KPNA4: variants seen among roughly 807,000 people sequenced by gnomAD.
The protein encoded by KPNA4 is karyopherin subunit alpha 4.
KPNA4 carries 13 observed loss-of-function variants against 71.3 expected under a neutral mutation model. The ratio of observed to expected loss-of-function variants is 0.18; its 90% CI spans 0.12 to 0.29. The LOEUF (loss-of-function observed/expected upper bound fraction) is 0.29. Ranked by LOEUF, KPNA4 falls within the 10% of genes least tolerant of loss-of-function variation. KPNA4 has a pLI of 1.00. For missense variants in KPNA4, 334 were observed against 603.2 expected, an observed-to-expected ratio of 0.55 and a Z score of 4.67; for synonymous variants, 189 against 195.2, an observed-to-expected ratio of 0.97 and a Z score of 0.26.
At chr3:160,550,174 T>C (rs571699117) in intron 1 of KPNA4, among the ~76,000 whole-genome samples, 136 of 152,354 alleles carry the variant, frequency 8.9e-4, no homozygotes, top group African/African-American at 3.1e-3. Context: ...ACATCTTTGT[T>C]ATAGATTTGG....
intron 11 of KPNA4, among the ~76,000 whole-genome samples, chr3:160,518,166 C>G (rs1013588546): frequency 6.8e-6 from 1 of 147,046 alleles, no homozygotes; most frequent in Non-Finnish European, 1.5e-5. Context: ...CTCGCTCTGT[C>G]ACCCAGGCTG....
chr3:160,514,175 C>A lies in KPNA4; in HGVS notation c.1039G>T (p.Val347Leu), dbSNP rs200557165. ...GCAGTGATGTTGGAGAGGAACCACA[C>A]TGCTTCCTGTAGAACAAGAGCATTT... is the stretch of plus-strand genomic sequence containing the variant. ...HPKEKINKEA[V>L]WFLSNITAGN... Residue 347 changes from valine to leucine, a missense_variant, in exon 13 of 17, where the codon GTG becomes TTG. By Grantham distance (32) the Val-to-Leu change is conservative. Coordinates refer to ENST00000334256, the MANE Select transcript of KPNA4 (RefSeq NM_002268.5). 6.3e-7 allele frequency: 1 copy of A among 1,591,942 alleles called. No individual in the cohort carries two copies. Among genetic ancestry groups the A allele is most frequent in the Non-Finnish European group, 8.5e-7 (1 of 1,172,552 alleles).
At position 160,497,678 on chromosome 3, in the gene KPNA4, A is replaced by G. The variant is rs1720793760; in HGVS notation, c.*4426T>C. ...ATATTAAATTATTGGCTGACAGTTAATGAATTTTGCCAATAAGTAAAATAA... is the reference window on the plus strand; with the variant it reads ...ATATTAAATTATTGGCTGACAGTTAGTGAATTTTGCCAATAAGTAAAATAA... On this transcript the variant is annotated 3_prime_UTR_variant, in exon 17 of 17. Transcript: ENST00000334256. 6.6e-6 allele frequency: 1 copy of G among 152,198 alleles called. No individual in the cohort carries two copies. The highest frequency in any genetic ancestry group is 2.1e-4 in the South Asian group (1 of 4,832). The allele number at this position is 152,198 out of a possible 1,614,324, so 9.4% of individuals were successfully genotyped here.
intron 1 of KPNA4, among the ~76,000 whole-genome samples, chr3:160,542,551 A>G (rs917297191): frequency 1.3e-5 from 2 of 152,170 alleles, no homozygotes; most frequent in African/African-American, 2.4e-5. Flanking sequence ...ATAAAAACCC[A>G]TATTACAATC....
At chr3:160,564,203 CGT>C (rs1722295535) in intron 1 of KPNA4, 1 of 151,968 alleles carries the variant, frequency 6.6e-6, no homozygotes, top group African/African-American at 2.4e-5. Context: ...TGTGGGTATG[CGT>C]GTGTGCATGT....
Position 160,531,458 on chromosome 3 carries a change from T to G in KPNA4, c.383+4A>C. 8 of 1,410,150 alleles carry G rather than the reference T, an allele frequency of 5.7e-6. No individual in the cohort carries two copies. The highest frequency in any genetic ancestry group is 7.8e-6 in the Non-Finnish European group (8 of 1,032,040). 87.4% of individuals were successfully genotyped at this position (1,410,150 alleles called of 1,614,324 possible). A position where few individuals can be genotyped will look rare whatever the true frequency, so the allele number is the denominator to read the frequency against. On this transcript the variant is annotated splice_donor_region_variant and intron_variant, in intron 6 of 16. Coordinates refer to ENST00000334256, the MANE Select transcript of KPNA4 (RefSeq NM_002268.5). ...AAAAAAAAAAAAATAAATAATGTAC[T>G]CACTTGTCATCTCTTTCAAGACAAT...
chr3:160,515,572 T>C lies in KPNA4; in HGVS notation c.912A>G (p.Ala304=). ...SHQEVKVQTA[A]LRAVGNIVTG... ...TAACAATGTTGCCCACAGCTCTAAG[T>C]GCAGCAGTCTGAAATGCACAATGAG... is the stretch of plus-strand genomic sequence containing the variant. The change falls in exon 12 of 17, where the codon GCA becomes GCG. Residue 304 remains alanine (A), a synonymous_variant. Coordinates refer to ENST00000334256, the MANE Select transcript of KPNA4 (RefSeq NM_002268.5). 1.2e-6 allele frequency: 2 copies of C among 1,613,338 alleles called. No individual in the cohort carries two copies. The highest frequency in any genetic ancestry group is 1.1e-5 in the South Asian group (1 of 91,054).
At chr3:160,509,407 A>T (rs769038103) in intron 14 of KPNA4, among the ~76,000 whole-genome samples, 2 of 152,210 alleles carry the variant, frequency 1.3e-5, no homozygotes, top group African/African-American at 2.4e-5. Context: ...TAAAAAAACA[A>T]AACAAAACAA....
intron 1 of KPNA4, among the ~76,000 whole-genome samples, chr3:160,560,277 TTTC>T (rs1488144710): frequency 1.3e-5 from 2 of 151,958 alleles, no homozygotes; most frequent in African/African-American, 2.4e-5. Flanking sequence ...AGCACAAGAG[TTTC>T]TTCTTTAAAA....
chr3:160,548,864 TC>T (rs1368304241), intron 1 of KPNA4, among the ~76,000 whole-genome samples: 2 of 152,188 alleles, frequency 1.3e-5, no homozygotes, highest in Non-Finnish European at 2.9e-5. Context: ...GGAACCACCA[TC>T]CTGTTTTTCA....
intron 1 of KPNA4, among the ~76,000 whole-genome samples, chr3:160,542,160 G>A (rs1268773664): frequency 2.6e-5 from 4 of 152,104 alleles, no homozygotes; most frequent in South Asian, 2.1e-4. Context: ...TGAACAGGTA[G>A]GCAAGGAGAC....
At chr3:160,514,455 G>C (rs1721161420) in intron 12 of KPNA4, among the ~76,000 whole-genome samples, 1 of 152,140 alleles carries the variant, frequency 6.6e-6, no homozygotes, top group Admixed American at 6.5e-5. Flanking sequence ...AAGCTTGGCT[G>C]AACAAATTTG....
At chr3:160,538,619 G>A (rs937561431) in intron 1 of KPNA4, among the ~76,000 whole-genome samples, 1 of 151,976 alleles carries the variant, frequency 6.6e-6, no homozygotes. Flanking sequence ...ACTCTCACAC[G>A]CTCCACTTCG....
At chr3:160,521,559 C>T (rs1486556382) in intron 11 of KPNA4, among the ~76,000 whole-genome samples, 6 of 152,080 alleles carry the variant, frequency 3.9e-5, no homozygotes, top group South Asian at 4.1e-4. Flanking sequence ...GCTGAGATCA[C>T]GCCACCTCAC....
intron 12 of KPNA4, chr3:160,514,991 T>C (rs1721176855): frequency 1.9e-6 from 1 of 519,222 alleles, no homozygotes. Context: ...TCTTGGGTTA[T>C]AATCATTGGC....
At chr3:160,555,571 C>A (rs953108325) in intron 1 of KPNA4, among the ~76,000 whole-genome samples, 1 of 152,094 alleles carries the variant, frequency 6.6e-6, no homozygotes, top group African/African-American at 2.4e-5. Context: ...ACAATTATAA[C>A]AATATATTGT....
intron 1 of KPNA4, among the ~76,000 whole-genome samples, chr3:160,543,887 C>T (rs560047053): frequency 2.2e-4 from 33 of 151,308 alleles, no homozygotes; most frequent in East Asian, 1.8e-3. Flanking sequence ...GATGGAGTTT[C>T]GCTCTTGCTG....
intron 1 of KPNA4, among the ~76,000 whole-genome samples, chr3:160,554,065 A>C (rs1156593010): frequency 6.6e-6 from 1 of 152,242 alleles, no homozygotes; most frequent in Non-Finnish European, 1.5e-5. Context: ...AAATGAATTC[A>C]ATACAGGGAA....
chr3:160,560,528 AAAAAT>A (rs561796262), intron 1 of KPNA4, among the ~76,000 whole-genome samples: 28 of 151,414 alleles, frequency 1.8e-4, no homozygotes, highest in Non-Finnish European at 2.5e-4. Context: ...GAAAACATTT[AAAAAT>A]ATTTTAAGGA....
Sources: allele counts gnomAD v4.1 joint callset (sites outside exome capture counted in the v4.1 genomes callset), GRCh38; gene constraint gnomAD v4.1.1; transcripts MANE v1.5; gene names NCBI Gene and HGNC (gene_info 2026-07-23, HGNC 2026-07-21).